PACSIN3: variants seen among roughly 807,000 people sequenced by gnomAD.
The protein encoded by PACSIN3 is protein kinase C and casein kinase substrate in neurons protein 3.
In PACSIN3, 34 loss-of-function variants were observed where a neutral mutation model predicts 56.1. The observed-to-expected ratio is 0.61, with a 90% CI of 0.46 to 0.81. The LOEUF is 0.81. Among genes scored for constraint, PACSIN3 ranks in the 30% least tolerant of loss-of-function variants. PACSIN3 has a pLI of 0.00. For missense variants in PACSIN3, 535 were observed against 592.4 expected, an observed-to-expected ratio of 0.90 and a Z score of 1.01; for synonymous variants, 218 against 229.8, an observed-to-expected ratio of 0.95 and a Z score of 0.46.
In PACSIN3 at chr11:47,180,782, G is replaced by A; in HGVS notation, c.212-92C>T. ...TGGGTGTGAGGCATGGAGGCATGGG[G>A]TACGCGCATGGGGTGCAAAGGTGAA... On this transcript the variant is annotated intron_variant, in intron 4 of 10. Transcript: ENST00000298838. 6 of 965,094 alleles carry A rather than the reference G, an allele frequency of 6.2e-6. No individual in the cohort carries two copies. The South Asian group carries it at 9.7e-5, about 16-fold the overall frequency. 59.8% of individuals were successfully genotyped at this position (965,094 alleles called of 1,614,324 possible).
At chr11:47,182,956 G>A (rs766407269) in intron 2 of PACSIN3, 48 bp downstream of exon 2, 67 of 482,278 alleles carry the variant, frequency 1.4e-4, no homozygotes, top group Non-Finnish European at 2.2e-4. Flanking sequence ...GAGTCTCAAA[G>A]CTCTTCCTCT....
In PACSIN3 at chr11:47,177,900, G is replaced by T; in HGVS notation, c.*31C>A. ...AGAAGCTGGGCTCTGAACCAGGGTGGGTAAACGTTGCAGAAGGGCTGTCAG... is the reference window on the plus strand; with the variant it reads ...AGAAGCTGGGCTCTGAACCAGGGTGTGTAAACGTTGCAGAAGGGCTGTCAG... On this transcript the variant is annotated 3_prime_UTR_variant, in exon 11 of 11. Transcript: ENST00000298838. The T allele has an allele frequency of 6.5e-7, 1 of 1,543,322 alleles. No individual in the cohort carries two copies. The highest frequency in any genetic ancestry group is 9.0e-7 in the Non-Finnish European group (1 of 1,115,858).
intron 4 of PACSIN3, 43 bp from the exon 5 acceptor site, chr11:47,180,733 C>A: frequency 6.7e-7 from 1 of 1,496,490 alleles, no homozygotes; most frequent in South Asian, 1.2e-5. Context: ...GGGTACCACC[C>A]AAAATGAGCC....
rs1952906949 is a variant in PACSIN3, at chr11:47,177,711, C to G, written c.*220G>C. On this transcript the variant is annotated 3_prime_UTR_variant, in exon 11 of 11. Coordinates refer to ENST00000298838, the MANE Select transcript of PACSIN3 (RefSeq NM_016223.5). ...GCACCCCTGAACGCTTCTGTCACCT[C>G]TGACCTCCCATCTTGCCCTCAGCCT... 5 of 571,386 alleles carry G rather than the reference C, an allele frequency of 8.8e-6. No individual in the cohort carries two copies. The highest frequency in any genetic ancestry group is 1.2e-5 in the Non-Finnish European group (4 of 322,440). 35.4% of individuals were successfully genotyped at this position (571,386 alleles called of 1,614,324 possible). A position where few individuals can be genotyped will look rare whatever the true frequency, so the allele number is the denominator to read the frequency against.
chr11:47,183,027 G>C lies in PACSIN3; in HGVS notation c.-61C>G. 1 of 331,476 alleles carries C rather than the reference G, an allele frequency of 3.0e-6. No individual in the cohort carries two copies. The highest frequency in any genetic ancestry group is 5.4e-6 in the Non-Finnish European group (1 of 186,020). 20.5% of individuals were successfully genotyped at this position (331,476 alleles called of 1,614,324 possible). On this transcript the variant is annotated 5_prime_UTR_variant, in exon 2 of 11. Coordinates refer to ENST00000298838, the MANE Select transcript of PACSIN3 (RefSeq NM_016223.5). ...ACCTGGGGCCTAGAGATCACTTCAA[G>C]GACCCGGGTGTCCAACTCTCAATGC...
chr11:47,178,431 C>T lies in PACSIN3; in HGVS notation c.1094G>A (p.Gly365Glu). Residue 365 changes from glycine to glutamate, a missense_variant, in exon 10 of 11, where the codon GGG (glycine) becomes GAG (glutamate). By Grantham distance (98) the Gly-to-Glu change is moderately conservative. Transcript: ENST00000298838. This position sits in a 1 kb window ranked among gnomAD's most constrained non-coding sequence, Gnocchi z 4.2. Reference protein sequence around the residue: ...DEESPRKAATGVRVRALYDYA... With the variant: ...DEESPRKAATEVRVRALYDYA... ...GTCATAGAGTGCCCTCACCCGAACC[C>T]CGGTGGCAGCCTTCCGGGGACTCTC... The T allele has an allele frequency of 6.2e-7, 1 of 1,614,050 alleles. No individual in the cohort carries two copies. Among genetic ancestry groups the T allele is most frequent in the South Asian group, 1.1e-5 (1 of 91,090 alleles).
Position 47,178,746 on chromosome 11 carries a change from T to A in PACSIN3, c.1037+148A>T. On this transcript the variant is annotated intron_variant, in intron 9 of 10. Coordinates refer to ENST00000298838, the MANE Select transcript of PACSIN3 (RefSeq NM_016223.5). This position sits in a 1 kb window ranked among gnomAD's most constrained non-coding sequence, Gnocchi z 4.2. ...AAATCTAAACCACTATGAGAACCAG[T>A]ATCATTACAACTACTAAGTAGGCCC... 1 of 893,082 alleles carries A rather than the reference T, an allele frequency of 1.1e-6. No individual in the cohort carries two copies. Among genetic ancestry groups the A allele is most frequent in the Non-Finnish European group, 1.7e-6 (1 of 593,336 alleles). 55.3% of individuals were successfully genotyped at this position (893,082 alleles called of 1,614,324 possible).
In PACSIN3 at chr11:47,180,277, TC is replaced by T; in HGVS notation, c.511del (p.Glu171ArgfsTer124). The T allele has an allele frequency of 6.2e-7, 1 of 1,603,512 alleles. No homozygotes were observed. On this transcript the variant is annotated frameshift_variant, in exon 6 of 11. Coordinates refer to ENST00000298838, the MANE Select transcript of PACSIN3 (RefSeq NM_016223.5). LOFTEE classifies it high-confidence loss of function. ...GGCGCTGTCTGCCTTTGCGTGGCTC[TC>T]CCTCGTCTGGGCGGTCTTCTCATCC... ...RKDEKTAQTRESHAKADSAVS... is the reference protein window; with the variant it reads ...RKDEKTAQTRXSHAKADSAVS...
rs1952950307 is a variant in PACSIN3, at chr11:47,178,753, A to T, written c.1037+141T>A. On this transcript the variant is annotated intron_variant, in intron 9 of 10. Transcript: ENST00000298838. This position sits in a 1 kb window ranked among gnomAD's most constrained non-coding sequence, Gnocchi z 4.2. ...AACCACTATGAGAACCAGTATCATT[A>T]CAACTACTAAGTAGGCCCTCAGGTC... 1.1e-6 allele frequency: 1 copy of T among 948,402 alleles called. No individual in the cohort carries two copies. Among genetic ancestry groups the T allele is most frequent in the Non-Finnish European group, 1.6e-6 (1 of 641,356 alleles). 58.7% of individuals were successfully genotyped at this position (948,402 alleles called of 1,614,324 possible). A position where few individuals can be genotyped will look rare whatever the true frequency, so the allele number is the denominator to read the frequency against.
At chr11:47,180,767 GCAT>G in intron 4 of PACSIN3, 77 bp from the exon 5 acceptor site, 7 of 1,144,604 alleles carry the variant, frequency 6.1e-6, no homozygotes, top group Non-Finnish European at 8.6e-6. Context: ...TGGGTGTGAG[GCAT>G]GGAGGCATGG....
At chr11:47,185,725 C>T (rs1953108551) in intron 1 of PACSIN3, 1 of 152,322 alleles carries the variant, frequency 6.6e-6, no homozygotes, top group Non-Finnish European at 1.5e-5. Context: ...AGGCTACGCG[C>T]CTCTGGCCTC....
Position 47,177,760 on chromosome 11 carries a change from C to T in PACSIN3, c.*171G>A. 1.6e-6 allele frequency: 1 copy of T among 642,938 alleles called. No homozygotes were observed. The highest frequency in any genetic ancestry group is 2.8e-6 in the Non-Finnish European group (1 of 363,346). The allele number at this position is 642,938 out of a possible 1,614,324, so 39.8% of individuals were successfully genotyped here. On this transcript the variant is annotated 3_prime_UTR_variant, in exon 11 of 11. Coordinates refer to ENST00000298838, the MANE Select transcript of PACSIN3 (RefSeq NM_016223.5). ...CTAGACTCGTCCCTTCCCTACCAGT[C>T]CCTTCCCTAGACAAAGGCCCCTCCC...
chr11:47,179,056 GTGGGGCCATC>G lies in PACSIN3; in HGVS notation c.901-36_901-27del. 6.2e-7 allele frequency: 1 copy of G among 1,614,100 alleles called. No homozygotes were observed. Among genetic ancestry groups the G allele is most frequent in the Non-Finnish European group, 8.5e-7 (1 of 1,180,010 alleles). Reference sequence around the variant, plus strand: ...CTGTGGGGACAGTGCTTATAGTCAGGTGGGGCCATCTGAACCACCTTCACTTACTTCATCC... The same window carrying G: ...CTGTGGGGACAGTGCTTATAGTCAGGTGAACCACCTTCACTTACTTCATCC... On this transcript the variant is annotated intron_variant, in intron 8 of 10. Transcript: ENST00000298838. The surrounding 1 kb of genome is among the most constrained non-coding windows in gnomAD (Gnocchi z 4.4).
intron 4 of PACSIN3, among the ~76,000 whole-genome samples, chr11:47,180,985 G>A (rs915257041): frequency 2.6e-5 from 4 of 152,204 alleles, no homozygotes; most frequent in Non-Finnish European, 5.9e-5. Flanking sequence ...GCTGAGGGCC[G>A]GGCACAGTGG....
chr11:47,177,745 C>T lies in PACSIN3; in HGVS notation c.*186G>A, dbSNP rs1466930559. The T allele has an allele frequency of 2.1e-5, 13 of 618,376 alleles. No homozygotes were observed. The East Asian group carries it at 3.6e-4, about 17-fold the overall frequency. The allele number at this position is 618,376 out of a possible 1,614,324, so 38.3% of individuals were successfully genotyped here. A position where few individuals can be genotyped will look rare whatever the true frequency, so the allele number is the denominator to read the frequency against. ...CATCTTGCCCTCAGCCTAGACTCGT[C>T]CCTTCCCTACCAGTCCCTTCCCTAG... On this transcript the variant is annotated 3_prime_UTR_variant, in exon 11 of 11. Transcript: ENST00000298838.
In PACSIN3 at chr11:47,182,997, C is replaced by G; in HGVS notation, c.-38+7G>C. 2.4e-6 allele frequency: 1 copy of G among 421,868 alleles called. No homozygotes were observed. The highest frequency in any genetic ancestry group is 4.2e-6 in the Non-Finnish European group (1 of 239,384). 26.1% of individuals were successfully genotyped at this position (421,868 alleles called of 1,614,324 possible). On this transcript the variant is annotated splice_region_variant and intron_variant, in intron 2 of 10. Transcript: ENST00000298838. ...CTCTGCACTTCCCCCCCCGCCCCCC[C>G]ACATACCTGGGGCCTAGAGATCACT...
chr11:47,178,075 G>A lies in PACSIN3; in HGVS notation c.1160-29C>T, dbSNP rs781121784. On this transcript the variant is annotated intron_variant, in intron 10 of 10. Coordinates refer to ENST00000298838, the MANE Select transcript of PACSIN3 (RefSeq NM_016223.5). This position sits in a 1 kb window ranked among gnomAD's most constrained non-coding sequence, Gnocchi z 4.2. ...GGGGAAAGGGGATTGGTCACTGCCAGTGGCCCTGGCCCAGGCCCTGTTCCT... is the reference window on the plus strand; with the variant it reads ...GGGGAAAGGGGATTGGTCACTGCCAATGGCCCTGGCCCAGGCCCTGTTCCT... 2 of 1,585,818 alleles carry A rather than the reference G, an allele frequency of 1.3e-6. No homozygotes were observed. Among genetic ancestry groups the A allele is most frequent in the Non-Finnish European group, 1.7e-6 (2 of 1,156,862 alleles).
rs753617519 is a variant in PACSIN3 at position 47,180,151 on chromosome 11, G to C, written c.603+35C>G. ...AGATTCATTCAGGAAGCCGTGCCCT[G>C]GGCGGGGGCCAGGGCTGGGACCTGT... On this transcript the variant is annotated intron_variant, in intron 6 of 10. Transcript: ENST00000298838. 4.4e-6 allele frequency: 7 copies of C among 1,585,848 alleles called. No homozygotes were observed. In the South Asian group the frequency reaches 7.7e-5, roughly 17 times the overall value.
In PACSIN3 at chr11:47,179,152, C is replaced by G; in HGVS notation, c.900+7G>C. 1 of 1,613,690 alleles carries G rather than the reference C, an allele frequency of 6.2e-7. No individual in the cohort carries two copies. Among genetic ancestry groups the G allele is most frequent in the South Asian group, 1.1e-5 (1 of 91,084 alleles). On this transcript the variant is annotated splice_region_variant and intron_variant, in intron 8 of 10. Coordinates refer to ENST00000298838, the MANE Select transcript of PACSIN3 (RefSeq NM_016223.5). The surrounding 1 kb of genome is among the most constrained non-coding windows in gnomAD (Gnocchi z 4.4). Reference sequence around the variant, plus strand: ...CCTCCCATCCCCACCCCGCCTGGAACACATGCCTCGAACTGTGGCCAGTTC... The same window carrying G: ...CCTCCCATCCCCACCCCGCCTGGAAGACATGCCTCGAACTGTGGCCAGTTC...
Sources: gnomAD v4.1 joint callset for allele counts (sites outside exome capture counted in the v4.1 genomes callset) on GRCh38, gnomAD v4.1.1 for gene constraint, Gnocchi (gnomAD v3.1) non-coding constraint, MANE v1.5 for transcripts, NCBI Gene and HGNC (gene_info 2026-07-23, HGNC 2026-07-21) for gene names.